FRMD4A: variants seen among roughly 807,000 people sequenced by gnomAD.
The protein encoded by FRMD4A is FERM domain containing 4A.
FRMD4A carries 29 observed loss-of-function variants against 129.1 expected under a neutral mutation model. The observed-to-expected ratio is 0.22, with a 90% CI of 0.17 to 0.31. The LOEUF is 0.31. FRMD4A is among the 10% of genes least tolerant of loss of function. FRMD4A has a pLI of 1.00. For synonymous variants in FRMD4A, 634 were observed against 571.6 expected (o/e 1.11, Z -1.56); for missense variants, 1,272 against 1,375.8 (o/e 0.92, Z 1.19).
chr10:14,125,758 C>CGT (rs3033975), intron 2 of FRMD4A, among the ~76,000 whole-genome samples: 1 of 67,278 alleles, frequency 1.5e-5, no homozygotes, highest in African/African-American at 5.6e-5. Flanking sequence ...CTCATGCGCA[C>CGT]GCGCACACAT....
intron 2 of FRMD4A, among the ~76,000 whole-genome samples, chr10:14,281,909 T>A (rs184350667): frequency 6.6e-6 from 1 of 152,314 alleles, no homozygotes; most frequent in East Asian, 1.9e-4. Flanking sequence ...AATTTCTCCA[T>A]TTTTACATTG....
At chr10:13,884,186 A>ACTCT (rs1554956520) in intron 2 of FRMD4A, among the ~76,000 whole-genome samples, 5 of 109,594 alleles carry the variant, frequency 4.6e-5, no homozygotes, top group African/African-American at 1.1e-4. Flanking sequence ...TCACACACAC[A>ACTCT]CACACACACT....
chr10:14,319,547 C>T (rs1467825720), intron 2 of FRMD4A, among the ~76,000 whole-genome samples: 2 of 152,190 alleles, frequency 1.3e-5, no homozygotes, highest in East Asian at 3.8e-4. Context: ...AAGACTTCTT[C>T]AATGGGGCCA....
chr10:14,110,837 AT>A (rs1837862215), intron 2 of FRMD4A, among the ~76,000 whole-genome samples: 1 of 151,864 alleles, frequency 6.6e-6, no homozygotes, highest in Admixed American at 6.6e-5. Context: ...TTTTATTATT[AT>A]TATTTGTTTT....
chr10:14,075,031 T>A (rs759887491), intron 2 of FRMD4A, among the ~76,000 whole-genome samples: 1 of 142,312 alleles, frequency 7.0e-6, no homozygotes, highest in African/African-American at 2.9e-5. Flanking sequence ...GATGTCCTTA[T>A]GAATTAAAAA....
chr10:13,695,166 A>G (rs2086098229), intron 14 of FRMD4A, among the ~76,000 whole-genome samples: 1 of 151,268 alleles, frequency 6.6e-6, no homozygotes, highest in African/African-American at 2.4e-5. Context: ...TTTTTTTGAG[A>G]CAGAGTCTCA....
intron 2 of FRMD4A, among the ~76,000 whole-genome samples, chr10:13,957,401 G>GC (rs1375782123): frequency 6.6e-6 from 1 of 152,108 alleles, no homozygotes; most frequent in African/African-American, 2.4e-5. Flanking sequence ...CTACAGGCAT[G>GC]CACCACCATG....
At chr10:13,689,546 A>ATT (rs1259780771) in intron 15 of FRMD4A, among the ~76,000 whole-genome samples, 35 of 104,418 alleles carry the variant, frequency 3.4e-4, no homozygotes, top group African/African-American at 1.4e-3. Context: ...AGATTAGAAG[A>ATT]TTCTTTTTTT....
chr10:13,999,860 A>G (rs2095635446), intron 2 of FRMD4A, among the ~76,000 whole-genome samples: 2 of 152,252 alleles, frequency 1.3e-5, no homozygotes, highest in South Asian at 4.1e-4. Context: ...GTTCGTCTGC[A>G]TACAAGCACA....
chr10:14,192,938 A>G (rs1564377030), intron 2 of FRMD4A, among the ~76,000 whole-genome samples: 1 of 152,248 alleles, frequency 6.6e-6, no homozygotes, highest in African/African-American at 2.4e-5. Flanking sequence ...TGAACTAAAT[A>G]TATTTGCACA....
intron 2 of FRMD4A, among the ~76,000 whole-genome samples, chr10:14,233,615 C>T (rs1345741430): frequency 3.3e-5 from 5 of 152,082 alleles, no homozygotes; most frequent in Non-Finnish European, 1.5e-5. Context: ...GCTTTTGTGG[C>T]CCTAGTTAGT....
intron 2 of FRMD4A, among the ~76,000 whole-genome samples, chr10:14,222,710 A>T (rs1403927550): frequency 5.9e-5 from 9 of 152,106 alleles, no homozygotes; most frequent in African/African-American, 1.9e-4. Flanking sequence ...GTAGAAGAGG[A>T]CTGGAGTGAA....
intron 2 of FRMD4A, among the ~76,000 whole-genome samples, chr10:13,929,113 C>T (rs1043322109): frequency 3.3e-5 from 5 of 152,346 alleles, no homozygotes; most frequent in African/African-American, 7.2e-5. Context: ...CAGCAAGCCA[C>T]ACATTATTTG....
At chr10:13,939,220 T>A (rs2095272328) in intron 2 of FRMD4A, among the ~76,000 whole-genome samples, 1 of 152,182 alleles carries the variant, frequency 6.6e-6, no homozygotes, top group African/African-American at 2.4e-5. Context: ...TAGGGTGAGA[T>A]TAGGGAGTGA....
chr10:14,273,232 G>A (rs1453799356), intron 2 of FRMD4A, among the ~76,000 whole-genome samples: 1 of 152,092 alleles, frequency 6.6e-6, no homozygotes, highest in East Asian at 1.9e-4. Context: ...ACTCCAGCCT[G>A]GGTGACAAAG....
chr10:13,656,981 A>G lies in FRMD4A; in HGVS notation c.2608T>C (p.Ser870Pro). Residue 870 changes from serine (S) to proline (P), a missense_variant, in exon 22 of 25, where the codon TCC becomes CCC. This residue lies in a region of FRMD4A where 972 missense variants were observed against 892.3 expected (regional missense o/e 1.09). Coordinates refer to ENST00000357447, the MANE Select transcript of FRMD4A (RefSeq NM_018027.5). ...HYSVKAQFKT[S>P]NSYTAGGLFK... ...AGGCCGCCCGCCGTGTAGGAGTTGG[A>G]CGTCTTGAACTGAGCCTTGACGCTG... 1 of 1,551,502 alleles carries G rather than the reference A, an allele frequency of 6.4e-7. No individual in the cohort carries two copies. Among genetic ancestry groups the G allele is most frequent in the Non-Finnish European group, 8.7e-7 (1 of 1,156,064 alleles).
chr10:14,080,907 G>A (rs189274502), intron 2 of FRMD4A, among the ~76,000 whole-genome samples: 1 of 151,960 alleles, frequency 6.6e-6, no homozygotes. Flanking sequence ...AAGGCACTCT[G>A]TTTTGCAGTG....
chr10:13,676,098 C>A (rs535955091), intron 15 of FRMD4A: 1 of 152,036 alleles, frequency 6.6e-6, no homozygotes, highest in East Asian at 1.9e-4. Context: ...GAAATGCCAT[C>A]TGGAGGAATT....
intron 2 of FRMD4A, chr10:14,097,187 T>C (rs1837024162): frequency 7.0e-6 from 1 of 142,814 alleles, no homozygotes; most frequent in Non-Finnish European, 1.5e-5. Flanking sequence ...AGAAAAGGTG[T>C]CATTTGTGGA....
Sources: allele counts gnomAD v4.1 joint callset (sites outside exome capture counted in the v4.1 genomes callset), GRCh38; gene constraint gnomAD v4.1.1; regional missense constraint gnomAD v4.1.1; transcripts MANE v1.5; gene names NCBI Gene and HGNC (gene_info 2026-07-23, HGNC 2026-07-21).